Variants in CRTC1 observed in about 807,000 individuals in gnomAD.
CRTC1 encodes CREB regulated transcription coactivator 1, also known as CREB-regulated transcription coactivator 1.
Under a neutral mutation model 66.1 loss-of-function variants are expected in CRTC1, and 18 were observed. The observed-to-expected ratio is 0.27, with a 90% confidence interval of 0.19 to 0.40. CRTC1 has a LOEUF of 0.40. CRTC1 is among the 10% of genes least tolerant of loss of function. CRTC1 has a pLI of 1.00. For synonymous variants in CRTC1, 416 were observed against 398.8 expected (o/e 1.04, Z -0.51); for missense variants, 669 against 887.9 (o/e 0.75, Z 3.13).
At chr19:18,773,214 C>T (rs757603979) in intron 11 of CRTC1, among the ~76,000 whole-genome samples, 7 of 152,164 alleles carry the variant, frequency 4.6e-5, no homozygotes, top group African/African-American at 9.6e-5. Context: ...TAGGTGGAGC[C>T]GAGACCTGCC....
intron 1 of CRTC1, among the ~76,000 whole-genome samples, chr19:18,705,884 T>C (rs1249605254): frequency 6.6e-6 from 1 of 152,044 alleles, no homozygotes. Flanking sequence ...GAGCATCTTT[T>C]CATGTGCTTC....
intron 1 of CRTC1, among the ~76,000 whole-genome samples, chr19:18,690,126 G>C (rs1480486806): frequency 6.6e-6 from 1 of 151,840 alleles, no homozygotes; most frequent in African/African-American, 2.4e-5. Context: ...TGCTTGCCAG[G>C]GGTTCAGGAC....
At chr19:18,736,070 A>C (rs2053990402) in intron 1 of CRTC1, among the ~76,000 whole-genome samples, 2 of 152,148 alleles carry the variant, frequency 1.3e-5, no homozygotes, top group Non-Finnish European at 2.9e-5. Flanking sequence ...CTGTTGACCC[A>C]GCTGGGCTTC....
rs1194916462 is a variant in CRTC1 at position 18,781,276 on chromosome 19, G to C, written c.*3894G>C. ...AGCCTAAGAGCAGGGGCAAGACTCG[G>C]CCCCTCACTCACCCTGGGAGGCCTG... is the stretch of plus-strand genomic sequence containing the variant. On this transcript the variant is annotated 3_prime_UTR_variant, in exon 14 of 14. Transcript: ENST00000321949. 3 of 228,424 alleles carry C rather than the reference G, an allele frequency of 1.3e-5. No individual in the cohort carries two copies. In the Admixed American group the frequency reaches 1.7e-4, roughly 13 times the overall value. The allele number at this position is 228,424 out of a possible 1,614,324, so 14.1% of individuals were successfully genotyped here. A position where few individuals can be genotyped will look rare whatever the true frequency, so the allele number is the denominator to read the frequency against.
rs1465189265 is a variant in CRTC1 at position 18,771,588 on chromosome 19, T to A, written c.1425+42T>A. On this transcript the variant is annotated intron_variant, in intron 11 of 13. Coordinates refer to ENST00000321949, the MANE Select transcript of CRTC1 (RefSeq NM_015321.3). This position sits in a 1 kb window ranked among gnomAD's most constrained non-coding sequence, Gnocchi z 4.6. Reference sequence around the variant, plus strand: ...CCCCCTTGGCCTGTGGGCTCCACGCTTGTCTTGTTCATGCCCCGTGTGTTC... The same window carrying A: ...CCCCCTTGGCCTGTGGGCTCCACGCATGTCTTGTTCATGCCCCGTGTGTTC... 3.6e-5 allele frequency: 53 copies of A among 1,492,708 alleles called. No individual in the cohort carries two copies. Among genetic ancestry groups the A allele is most frequent in the Non-Finnish European group, 4.7e-5 (51 of 1,080,248 alleles). The allele number at this position is 1,492,708 out of a possible 1,614,324, so 92.5% of individuals were successfully genotyped here. A position where few individuals can be genotyped will look rare whatever the true frequency, so the allele number is the denominator to read the frequency against.
rs749724992 is a variant in CRTC1, at chr19:18,765,509, C to A, written c.992C>A (p.Pro331Gln). The A allele has an allele frequency of 6.2e-7, 1 of 1,606,912 alleles. No homozygotes were observed. Among genetic ancestry groups the A allele is most frequent in the South Asian group, 1.1e-5 (1 of 90,818 alleles). Residue 331 changes from proline (P) to glutamine (Q), a missense_variant, in exon 9 of 14, where the codon CCG becomes CAG. Physicochemically the swap from Pro to Gln is moderately conservative, Grantham distance 76. This residue lies in a region of CRTC1 where 241 missense variants were observed against 242.2 expected (regional missense o/e 0.99). Coordinates refer to ENST00000321949, the MANE Select transcript of CRTC1 (RefSeq NM_015321.3). Reference sequence around the variant, plus strand: ...CAGCAGGCATCGCCCACCCTGTCCCCGCTGTCACCCATCACTCAGGTGCGA... The same window carrying A: ...CAGCAGGCATCGCCCACCCTGTCCCAGCTGTCACCCATCACTCAGGTGCGA... ...RRQQASPTLSPLSPITQAVAM... is the reference protein window; with the variant it reads ...RRQQASPTLSQLSPITQAVAM...
At chr19:18,722,416 G>A (rs1024441468) in intron 1 of CRTC1, among the ~76,000 whole-genome samples, 1 of 152,190 alleles carries the variant, frequency 6.6e-6, no homozygotes, top group Non-Finnish European at 1.5e-5. Context: ...GTCTTTGGGG[G>A]TGTGATGAAG....
chr19:18,722,965 G>A (rs964343081), intron 1 of CRTC1, among the ~76,000 whole-genome samples: 2 of 151,896 alleles, frequency 1.3e-5, no homozygotes, highest in Non-Finnish European at 2.9e-5. Flanking sequence ...TTTTGAGACA[G>A]GGTCTTGCTC....
chr19:18,757,831 A>G (rs1038339282), intron 6 of CRTC1, among the ~76,000 whole-genome samples: 4 of 151,880 alleles, frequency 2.6e-5, no homozygotes, highest in African/African-American at 7.3e-5. Context: ...CCTGGCTAAC[A>G]TGGTGAAACC....
At chr19:18,772,765 G>C (rs1381903979) in intron 11 of CRTC1, among the ~76,000 whole-genome samples, 1 of 152,202 alleles carries the variant, frequency 6.6e-6, no homozygotes, top group Non-Finnish European at 1.5e-5. Flanking sequence ...GGAGGCATGG[G>C]GGTCAGCCTG....
At chr19:18,726,055 C>T (rs1485606903) in intron 1 of CRTC1, among the ~76,000 whole-genome samples, 1 of 152,266 alleles carries the variant, frequency 6.6e-6, no homozygotes, top group African/African-American at 2.4e-5. Context: ...GGAGTTGAGG[C>T]CGGGCCCTGG....
intron 1 of CRTC1, among the ~76,000 whole-genome samples, chr19:18,728,659 C>T (rs535650552): frequency 1.1e-4 from 17 of 151,904 alleles, no homozygotes; most frequent in African/African-American, 3.4e-4. Context: ...GCATGTGCCA[C>T]GACACCTAAC....
chr19:18,770,965 C>CGT (rs1029641429), intron 10 of CRTC1, among the ~76,000 whole-genome samples: 1 of 141,400 alleles, frequency 7.1e-6, no homozygotes, highest in African/African-American at 2.7e-5. Context: ...TGTGAGTATG[C>CGT]GTGTGTGTGC....
chr19:18,744,136 C>T (rs1262219210), intron 2 of CRTC1: 1 of 1,612,244 alleles, frequency 6.2e-7, no homozygotes, highest in Admixed American at 1.7e-5. Context: ...GAGGCCCTGG[C>T]AGCGGCTCCT....
intron 1 of CRTC1, among the ~76,000 whole-genome samples, chr19:18,689,594 A>G (rs993483715): frequency 1.7e-5 from 1 of 60,096 alleles, no homozygotes; most frequent in Non-Finnish European, 2.7e-5. Context: ...TATGTAATAT[A>G]ACACTTACCA....
At chr19:18,710,017 GC>G (rs1332884442) in intron 1 of CRTC1, among the ~76,000 whole-genome samples, 1 of 140,674 alleles carries the variant, frequency 7.1e-6, no homozygotes, top group Non-Finnish European at 1.5e-5. Context: ...CCCAGCACCC[GC>G]CCCCCCACAC....
At chr19:18,761,426 G>T (rs772924023) in intron 8 of CRTC1, among the ~76,000 whole-genome samples, 32 of 152,166 alleles carry the variant, frequency 2.1e-4, no homozygotes, top group Non-Finnish European at 3.8e-4. Flanking sequence ...GGTGACAGAC[G>T]CCACCTTGCT....
chr19:18,781,091 G>A lies in CRTC1; in HGVS notation c.*3709G>A, dbSNP rs924850817. On this transcript the variant is annotated 3_prime_UTR_variant, in exon 14 of 14. Coordinates refer to ENST00000321949, the MANE Select transcript of CRTC1 (RefSeq NM_015321.3). The stretch of plus-strand genomic sequence containing the variant: ...ACCTTCACTGGGTCCCGATGGAGCC[G>A]TCTCAGAGGCCGAGGGGCCCTCTGT... 1.8e-4 allele frequency: 41 copies of A among 227,680 alleles called. No individual in the cohort carries two copies. Among genetic ancestry groups the A allele is most frequent in the African/African-American group, 6.0e-4 (27 of 44,948 alleles). 14.1% of individuals were successfully genotyped at this position (227,680 alleles called of 1,614,324 possible).
At chr19:18,725,047 G>C (rs986524672) in intron 1 of CRTC1, among the ~76,000 whole-genome samples, 1 of 152,018 alleles carries the variant, frequency 6.6e-6, no homozygotes, top group South Asian at 2.1e-4. Flanking sequence ...GACCCGCCTG[G>C]AGCTGGGGGG....
Sources: allele counts gnomAD v4.1 joint callset (sites outside exome capture counted in the v4.1 genomes callset), GRCh38; gene constraint gnomAD v4.1.1; regional missense constraint gnomAD v4.1.1; non-coding constraint Gnocchi (gnomAD v3.1); transcripts MANE v1.5; gene names NCBI Gene and HGNC (gene_info 2026-07-23, HGNC 2026-07-21).